Variants in COPRS observed in about 807,000 individuals in gnomAD.
The protein encoded by COPRS is coordinator of PRMT5 and differentiation stimulator.
Under a neutral mutation model 19.9 loss-of-function variants are expected in COPRS, and 11 were observed. That is an observed-to-expected ratio of 0.55 (90% CI 0.35 to 0.92). The LOEUF is 0.92. Among genes scored for constraint, COPRS ranks in the 40% least tolerant of loss-of-function variants. The pLI is 0.01. For missense variants in COPRS, 225 were observed against 229.9 expected (o/e 0.98, Z 0.14); for synonymous variants, 81 against 82.7 (o/e 0.98, Z 0.11).
rs531630213 is a variant in COPRS at position 31,852,093 on chromosome 17, T to C, written c.*46A>G. The C allele has an allele frequency of 1.2e-6, 2 of 1,609,572 alleles. No individual in the cohort carries two copies. The highest frequency in any genetic ancestry group is 1.7e-6 in the Non-Finnish European group (2 of 1,177,552). ...TTCACCTCCAAGACAGGAAAAGAGA[T>C]CTTGACGTGGAGGCCCGCCCACCTA... On this transcript the variant is annotated 3_prime_UTR_variant, in exon 4 of 4. Transcript: ENST00000302362.
chr17:31,859,080 T>C (rs1023247942), intron 1 of COPRS, 21 bp downstream of exon 1: 73 of 1,132,788 alleles, frequency 6.4e-5, no homozygotes, highest in Non-Finnish European at 7.4e-5. Context: ...CTGTTGCTCC[T>C]GGCCCCCACG....
chr17:31,857,445 C>T (rs1398880008), intron 1 of COPRS, among the ~76,000 whole-genome samples: 1 of 152,192 alleles, frequency 6.6e-6, no homozygotes, highest in Non-Finnish European at 1.5e-5. Flanking sequence ...CTATCAAATT[C>T]TCTGTTTCCT....
At chr17:31,856,986 T>C in intron 1 of COPRS, 121 bp from the exon 2 acceptor site, 1 of 701,394 alleles carries the variant, frequency 1.4e-6, no homozygotes, top group Admixed American at 2.3e-5. Flanking sequence ...GGGCTGGGAC[T>C]CTGCCACCCA....
In COPRS at chr17:31,851,970, C is replaced by T. The variant is rs1275353436; in HGVS notation, c.*169G>A. 3.1e-6 allele frequency: 2 copies of T among 654,200 alleles called. No individual in the cohort carries two copies. The highest frequency in any genetic ancestry group is 5.2e-6 in the Non-Finnish European group (2 of 386,364). 40.5% of individuals were successfully genotyped at this position (654,200 alleles called of 1,614,324 possible). A position where few individuals can be genotyped will look rare whatever the true frequency, so the allele number is the denominator to read the frequency against. ...CCCATTAAGAACAACAACAGACTGG[C>T]GAGAATGACGGGGCCTTATTGAACA... On this transcript the variant is annotated 3_prime_UTR_variant, in exon 4 of 4. Transcript: ENST00000302362.
intron 2 of COPRS, chr17:31,856,582 C>A: frequency 3.3e-6 from 2 of 601,770 alleles, no homozygotes; most frequent in Non-Finnish European, 5.8e-6. Flanking sequence ...AGCTGTTTCT[C>A]TCGGTAGAAG....
In COPRS at chr17:31,852,881, C is replaced by A; in HGVS notation, c.316G>T (p.Glu106Ter). The change falls in exon 3 of 4, where the codon GAA becomes TAA. Residue 106 changes from glutamate (E) to a stop codon, truncating the protein, a stop_gained. Transcript: ENST00000302362. LOFTEE classifies it high-confidence loss of function. Reference protein sequence around the residue: ...LSEGTNCPPKEQPGDLFNEDW... With the variant: ...LSEGTNCPPK Reference sequence around the variant, plus strand: ...TCATTAAAAAGATCGCCAGGCTGTTCCTTGGGTGGACAGTTTGTCCCTTCT... The same window carrying A: ...TCATTAAAAAGATCGCCAGGCTGTTACTTGGGTGGACAGTTTGTCCCTTCT... 6.2e-7 allele frequency: 1 copy of A among 1,614,174 alleles called. No homozygotes were observed. Among genetic ancestry groups the A allele is most frequent in the Non-Finnish European group, 8.5e-7 (1 of 1,180,018 alleles).
At chr17:31,858,405 T>C (rs560002311) in intron 1 of COPRS, 1 of 985,328 alleles carries the variant, frequency 1.0e-6, no homozygotes, top group Non-Finnish European at 1.2e-6. Flanking sequence ...GCATCATTCA[T>C]CCAGTCGGTA....
intron 1 of COPRS, among the ~76,000 whole-genome samples, chr17:31,857,591 C>G (rs1598086654): frequency 1.3e-5 from 2 of 152,166 alleles, no homozygotes; most frequent in East Asian, 3.9e-4. Flanking sequence ...CTCAGAAGTT[C>G]CTGAAACCCT....
intron 1 of COPRS, chr17:31,858,863 C>G: frequency 6.5e-7 from 1 of 1,544,500 alleles, no homozygotes; most frequent in Non-Finnish European, 8.7e-7. Flanking sequence ...ACAGCCGTCT[C>G]TGCTGACCCA....
Position 31,859,148 on chromosome 17 carries a change from G to T in COPRS, c.52C>A (p.Arg18=). 9.3e-7 allele frequency: 1 copy of T among 1,076,552 alleles called. No individual in the cohort carries two copies. Among genetic ancestry groups the T allele is most frequent in the Non-Finnish European group, 1.1e-6 (1 of 891,242 alleles). The allele number at this position is 1,076,552 out of a possible 1,614,324, so 66.7% of individuals were successfully genotyped here. A position where few individuals can be genotyped will look rare whatever the true frequency, so the allele number is the denominator to read the frequency against. The stretch of plus-strand genomic sequence containing the variant: ...CGCGCGCTAGGCAGCGGCGGGCCCC[G>T]AGACGGCTCCGCGGCCCCCTGCGCC... ...AQAQGAAEPS[R]GPPLPSARGA... The change falls in exon 1 of 4, where the codon CGG becomes AGG. Residue 18 remains arginine, a synonymous_variant. Coordinates refer to ENST00000302362, the MANE Select transcript of COPRS (RefSeq NM_018405.4).
At chr17:31,858,004 C>T (rs1024930216) in intron 1 of COPRS, among the ~76,000 whole-genome samples, 1 of 152,176 alleles carries the variant, frequency 6.6e-6, no homozygotes. Context: ...AGACCTCTCA[C>T]CTAAACCACT....
intron 1 of COPRS, chr17:31,858,898 T>G: frequency 6.6e-7 from 1 of 1,514,808 alleles, no homozygotes. Flanking sequence ...GCCCTCGGCT[T>G]TCCCCGCCCC....
chr17:31,854,625 G>A (rs895067667), intron 2 of COPRS, among the ~76,000 whole-genome samples: 6 of 152,202 alleles, frequency 3.9e-5, no homozygotes, highest in South Asian at 4.1e-4. Context: ...GAATTATTCA[G>A]CCATAAAAAG....
intron 1 of COPRS, chr17:31,858,471 G>T (rs374594642): frequency 9.7e-6 from 9 of 926,292 alleles, no homozygotes; most frequent in Middle Eastern, 1.1e-3. Flanking sequence ...CCTAACAGAG[G>T]GTTCCTACCT....
At position 31,856,549 on chromosome 17, in the gene COPRS, G is replaced by C. The variant is rs928902076; in HGVS notation, c.166+250C>G. The C allele has an allele frequency of 4.6e-5, 24 of 520,810 alleles. No individual in the cohort carries two copies. In the African/African-American group the frequency reaches 4.7e-4, roughly 10 times the overall value. 32.3% of individuals were successfully genotyped at this position (520,810 alleles called of 1,614,324 possible). ...TATCCCCTAGGAATAAGGTGAGACT[G>C]CTGTACTATTTTCACCGTTTCAAGC... On this transcript the variant is annotated intron_variant, in intron 2 of 3. Transcript: ENST00000302362.
chr17:31,855,308 G>A (rs770464861), intron 2 of COPRS, among the ~76,000 whole-genome samples: 23 of 151,984 alleles, frequency 1.5e-4, no homozygotes, highest in Non-Finnish European at 3.2e-4. Flanking sequence ...TCAGGAGATC[G>A]AGACCATCCT....
In COPRS at chr17:31,859,177, GC is replaced by G; in HGVS notation, c.22del (p.Ala8ProfsTer48). The G allele has an allele frequency of 2.8e-6, 3 of 1,061,854 alleles. No individual in the cohort carries two copies. The highest frequency in any genetic ancestry group is 3.4e-6 in the Non-Finnish European group (3 of 879,994). 65.8% of individuals were successfully genotyped at this position (1,061,854 alleles called of 1,614,324 possible). On this transcript the variant is annotated frameshift_variant, in exon 1 of 4. Coordinates refer to ENST00000302362, the MANE Select transcript of COPRS (RefSeq NM_018405.4). LOFTEE classifies it high-confidence loss of function. ...CGGCTCCGCGGCCCCCTGCGCCTGGGCCCCGGCGGCCTGAAGGTCCATGCCC... is the reference window on the plus strand; with the variant it reads ...CGGCTCCGCGGCCCCCTGCGCCTGGGCCCGGCGGCCTGAAGGTCCATGCCC... MDLQAAGAQAQGAAEPSR... is the reference protein window; with the variant it reads MDLQAAGXQAQGAAEPSR...
intron 2 of COPRS, 35 bp downstream of exon 2, chr17:31,856,764 G>A: frequency 7.7e-7 from 1 of 1,305,800 alleles, no homozygotes; most frequent in Non-Finnish European, 1.1e-6. Context: ...TCACATCCTT[G>A]GTCTCCCCAA....
chr17:31,857,062 C>T (rs538040542), intron 1 of COPRS, among the ~76,000 whole-genome samples, 197 bp from the exon 2 acceptor site: 3 of 152,298 alleles, frequency 2.0e-5, no homozygotes, highest in African/African-American at 7.2e-5. Context: ...CCTTCCTATT[C>T]ATGTAGGCAT....
Sources: allele counts gnomAD v4.1 joint callset (sites outside exome capture counted in the v4.1 genomes callset), GRCh38; gene constraint gnomAD v4.1.1; transcripts MANE v1.5; gene names NCBI Gene and HGNC (gene_info 2026-07-23, HGNC 2026-07-21).